The following ELMO1 variants were observed in gnomAD, a reference collection of about 807,000 sequenced individuals.
The protein encoded by ELMO1 is engulfment and cell motility 1.
ELMO1 carries 26 observed loss-of-function variants against 98.9 expected under a neutral mutation model. That is an observed-to-expected ratio of 0.26 (90% CI 0.19 to 0.36). ELMO1 has a LOEUF of 0.36. Ranked by LOEUF, ELMO1 falls within the 10% of genes least tolerant of loss-of-function variation. The pLI is 1.00. For missense variants in ELMO1, 627 were observed against 935.2 expected (o/e 0.67, Z 4.30); for synonymous variants, 346 against 346.0 (o/e 1.00, Z 0.00).
At chr7:37,082,271 T>A (rs1584615439) in intron 15 of ELMO1, among the ~76,000 whole-genome samples, 1 of 151,996 alleles carries the variant, frequency 6.6e-6, no homozygotes, top group East Asian at 1.9e-4. Context: ...AGAAATCAGT[T>A]GGGCAGAAAA....
At position 37,407,369 on chromosome 7, in the gene ELMO1, G is replaced by A. The variant is rs189502807; in HGVS notation, c.-74+41306C>T. On this transcript the variant is annotated intron_variant, in intron 1 of 21. Transcript: ENST00000310758. ...CTAAAAATACAAAAATTAGCCAGGCGTGATGGTGGGTGCCTGTAATCCCAG... is the reference window on the plus strand; with the variant it reads ...CTAAAAATACAAAAATTAGCCAGGCATGATGGTGGGTGCCTGTAATCCCAG... 4.1e-4 allele frequency among the ~76,000 whole-genome samples: 62 copies of A among 152,112 alleles called. 2 individuals are homozygous for A. In the East Asian group the frequency reaches 9.5e-3, roughly 23 times the overall value.
In ELMO1 at chr7:37,098,395, A is replaced by T. The variant is rs570375180; in HGVS notation, c.1192-1668T>A. Among the ~76,000 whole-genome samples the T allele has an allele frequency of 3.7e-4, 56 of 152,370 alleles. No individual in the cohort carries two copies. In the South Asian group the frequency reaches 0.011, roughly 30 times the overall value. On this transcript the variant is annotated intron_variant, in intron 14 of 21. Transcript: ENST00000310758. The stretch of plus-strand genomic sequence containing the variant: ...ATCGCAAGTGCTATGAAAATAAAAA[A>T]TAACTTGTTGAGTGACAGAGAGTAA...
chr7:37,131,650 TTAC>T (rs1786927741), intron 14 of ELMO1, among the ~76,000 whole-genome samples: 1 of 152,204 alleles, frequency 6.6e-6, no homozygotes, highest in Non-Finnish European at 1.5e-5. Context: ...CAAAAGCAGA[TTAC>T]ATTATTAGAA....
At chr7:37,329,950 T>C (rs546866037) in intron 2 of ELMO1, among the ~76,000 whole-genome samples, 1 of 152,342 alleles carries the variant, frequency 6.6e-6, no homozygotes, top group African/African-American at 2.4e-5. Flanking sequence ...ATTTTCCATT[T>C]TGCCCTCAAA....
chr7:37,293,028 CGT>C, intron 4 of ELMO1, among the ~76,000 whole-genome samples: 1 of 51,112 alleles, frequency 2.0e-5, no homozygotes, highest in South Asian at 1.3e-3. Context: ...CCAGCCGCCC[CGT>C]CCGGGAGGGA....
intron 1 of ELMO1, among the ~76,000 whole-genome samples, chr7:37,419,436 AT>A (rs531735662): frequency 6.6e-6 from 1 of 151,916 alleles, no homozygotes; most frequent in East Asian, 1.9e-4. Context: ...AAAATGTATG[AT>A]TTTTTTCTTT....
chr7:36,942,731 T>C (rs192519401), intron 16 of ELMO1, among the ~76,000 whole-genome samples: 2 of 152,334 alleles, frequency 1.3e-5, no homozygotes, highest in East Asian at 1.9e-4. Context: ...CATGAGATCA[T>C]ACACAGCTTT....
At chr7:37,043,157 C>T (rs528898691) in intron 15 of ELMO1, among the ~76,000 whole-genome samples, 10 of 152,310 alleles carry the variant, frequency 6.6e-5, no homozygotes, top group African/African-American at 2.4e-4. Flanking sequence ...ACTCCAGTCC[C>T]TTCTCCCTTC....
At chr7:37,169,350 A>T (rs1036005745) in intron 13 of ELMO1, among the ~76,000 whole-genome samples, 1 of 152,036 alleles carries the variant, frequency 6.6e-6, no homozygotes, top group African/African-American at 2.4e-5. Flanking sequence ...GCACCCAATG[A>T]CCTGCGCCCA....
rs193274930 is a variant in ELMO1, at chr7:36,854,438, A to T, written c.*1113T>A. On this transcript the variant is annotated 3_prime_UTR_variant, in exon 22 of 22. Transcript: ENST00000310758. ...GAAGATGTTTGGGATTAAAATAATTAAAAAAAAACTGGAAATTCACACATT... is the reference window on the plus strand; with the variant it reads ...GAAGATGTTTGGGATTAAAATAATTTAAAAAAAACTGGAAATTCACACATT... 154 of 151,666 alleles carry T rather than the reference A, an allele frequency of 1.0e-3. 1 individual carries two copies. The Middle Eastern group carries it at 0.01, about 10-fold the overall frequency. 9.4% of individuals were successfully genotyped at this position (151,666 alleles called of 1,614,324 possible).
At position 37,161,876 on chromosome 7, in the gene ELMO1, A is replaced by C. The variant is rs4720239; in HGVS notation, c.1087-28642T>G. ...GCATTTACCATAAAGGCTTCCACTA[A>C]GGCATTATAGAAAGCCTTCAGGTAA... On this transcript the variant is annotated intron_variant, in intron 13 of 21. Coordinates refer to ENST00000310758, the MANE Select transcript of ELMO1 (RefSeq NM_014800.11). Among the ~76,000 whole-genome samples, 85 of 117,736 alleles carry C rather than the reference A, an allele frequency of 7.2e-4. 1 individual carries two copies. The highest frequency in any genetic ancestry group is 2.3e-3 in the African/African-American group (78 of 33,262). 77.2% of individuals were successfully genotyped at this position (117,736 alleles called of 152,430 possible). A position where few individuals can be genotyped will look rare whatever the true frequency, so the allele number is the denominator to read the frequency against.
chr7:37,252,235 G>A (rs1451162199), intron 6 of ELMO1, among the ~76,000 whole-genome samples: 1 of 151,942 alleles, frequency 6.6e-6, no homozygotes, highest in African/African-American at 2.4e-5. Flanking sequence ...AAACTACTTC[G>A]AATTTCATAT....
rs183193727 is a variant in ELMO1 at position 37,152,513 on chromosome 7, G to A, written c.1087-19279C>T. 6.6e-3 allele frequency among the ~76,000 whole-genome samples: 996 copies of A among 151,638 alleles called. 40 individuals are homozygous for A. Among genetic ancestry groups the A allele is most frequent in the Admixed American group, 0.06 (920 of 15,214 alleles). On this transcript the variant is annotated intron_variant, in intron 13 of 21. Transcript: ENST00000310758. The stretch of plus-strand genomic sequence containing the variant: ...CCACTTAGTTTATAGAATGTAGCAA[G>A]TGTGATCCCGTTTTTGTACAGCAAT...
At chr7:37,232,538 A>C (rs1563092494) in intron 8 of ELMO1, among the ~76,000 whole-genome samples, 1 of 152,212 alleles carries the variant, frequency 6.6e-6, no homozygotes, top group Non-Finnish European at 1.5e-5. Flanking sequence ...CACCAGGTCC[A>C]TCTTCATTTG....
At chr7:36,998,734 G>C (rs1209737513) in intron 16 of ELMO1, among the ~76,000 whole-genome samples, 1 of 151,850 alleles carries the variant, frequency 6.6e-6, no homozygotes, top group Non-Finnish European at 1.5e-5. Flanking sequence ...TGGCTAAAGA[G>C]GTTTTCAAGG....
chr7:37,422,405 C>CA (rs1804511239), intron 1 of ELMO1, among the ~76,000 whole-genome samples: 1 of 152,186 alleles, frequency 6.6e-6, no homozygotes, highest in East Asian at 1.9e-4. Context: ...TTTTTTCCCC[C>CA]AAAAAATCTG....
intron 16 of ELMO1, among the ~76,000 whole-genome samples, chr7:36,953,426 T>G (rs1247507643): frequency 1.3e-5 from 2 of 152,234 alleles, no homozygotes; most frequent in African/African-American, 4.8e-5. Flanking sequence ...GCAAGTATGT[T>G]AAATTCAAAG....
intron 17 of ELMO1, among the ~76,000 whole-genome samples, chr7:36,891,929 GC>G (rs1469367213): frequency 3.9e-5 from 6 of 152,066 alleles, no homozygotes; most frequent in African/African-American, 1.4e-4. Flanking sequence ...GACTATTCAA[GC>G]TTTTTATATC....
At chr7:37,142,334 T>A (rs1787696192) in intron 13 of ELMO1, among the ~76,000 whole-genome samples, 1 of 152,258 alleles carries the variant, frequency 6.6e-6, no homozygotes, top group Admixed American at 6.5e-5. Flanking sequence ...TGAACACAAG[T>A]AACATTTAAG....
Sources: gnomAD v4.1 joint callset for allele counts (sites outside exome capture counted in the v4.1 genomes callset) on GRCh38, gnomAD v4.1.1 for gene constraint, MANE v1.5 for transcripts, NCBI Gene and HGNC (gene_info 2026-07-23, HGNC 2026-07-21) for gene names.